Variants in CAT observed in about 807,000 individuals in gnomAD.
The protein encoded by CAT is catalase, also known as epididymis secretory sperm binding protein.
In CAT, 43 loss-of-function variants were observed where a neutral mutation model predicts 59.0. The observed-to-expected ratio is 0.73, with a 90% CI of 0.57 to 0.94. The LOEUF (loss-of-function observed/expected upper bound fraction) is 0.94, where lower values mean the gene tolerates loss of function less well. CAT is among the 40% of genes least tolerant of loss of function. The pLI, the probability that CAT is intolerant of heterozygous loss-of-function variation, is 0.00. For missense variants in CAT, 664 were observed against 682.9 expected, an observed-to-expected ratio of 0.97 and a Z score of 0.31; for synonymous variants, 218 against 230.9, an observed-to-expected ratio of 0.94 and a Z score of 0.51.
At chr11:34,464,066 TCTTATTC>T (rs1321743351) in intron 9 of CAT, 32 bp from the exon 10 acceptor site, 1 of 1,612,902 alleles carries the variant, frequency 6.2e-7, no homozygotes, top group East Asian at 2.2e-5. Context: ...ACTTGACTTT[TCTTATTC>T]CTAAGTGCAT....
chr11:34,448,698 G>T (rs1275808819), intron 1 of CAT, among the ~76,000 whole-genome samples: 2 of 152,004 alleles, frequency 1.3e-5, no homozygotes, highest in Non-Finnish European at 2.9e-5. Flanking sequence ...GCAAATAGCT[G>T]GTGTACATTT....
intron 11 of CAT, among the ~76,000 whole-genome samples, chr11:34,468,725 G>A (rs1292200773): frequency 6.6e-6 from 1 of 152,142 alleles, no homozygotes; most frequent in African/African-American, 2.4e-5. Context: ...TGTGAGTCCT[G>A]CTGCAATTCT....
chr11:34,458,968 C>A (rs777577596), intron 8 of CAT, among the ~76,000 whole-genome samples: 6 of 151,566 alleles, frequency 4.0e-5, no homozygotes, highest in Non-Finnish European at 8.8e-5. Context: ...TTAGTTCTGG[C>A]AAATATATCT....
chr11:34,464,130 C>G lies in CAT; in HGVS notation c.1221C>G (p.Asn407Lys). 6.2e-7 allele frequency: 1 copy of G among 1,614,198 alleles called. No homozygotes were observed. Among genetic ancestry groups the G allele is most frequent in the Non-Finnish European group, 8.5e-7 (1 of 1,180,032 alleles). ...GTGGTGCTCCAAATTACTACCCCAA[C>G]AGCTTTGGTGCTCCGGAACAACAGC... is the stretch of plus-strand genomic sequence containing the variant. The part of the protein sequence containing the change: ...NQGGAPNYYP[N>K]SFGAPEQQPS... Residue 407 changes from asparagine (N) to lysine (K), a missense_variant, in exon 10 of 13, where the codon AAC becomes AAG. Coordinates refer to ENST00000241052, the MANE Select transcript of CAT (RefSeq NM_001752.4).
In CAT at chr11:34,463,243, C is replaced by T. The variant is rs17881916; in HGVS notation, c.1196-862C>T. On this transcript the variant is annotated intron_variant, in intron 9 of 12. Transcript: ENST00000241052. ...AGTTGAGAAAATAAATATGCTAAAA[C>T]GAAAAAAAAGCCTTATAATTTATTT... 1.5e-3 allele frequency among the ~76,000 whole-genome samples: 222 copies of T among 151,138 alleles called. 2 individuals are homozygous for T. The highest frequency in any genetic ancestry group is 3.4e-3 in the Middle Eastern group (1 of 294).
At chr11:34,456,597 T>A in intron 7 of CAT, 68 bp from the exon 8 acceptor site, 1 of 1,426,280 alleles carries the variant, frequency 7.0e-7, no homozygotes, top group Non-Finnish European at 9.9e-7. Flanking sequence ...AAATCTGGTA[T>A]TTTTGTGGGT....
chr11:34,464,845 T>G (rs1856695415), intron 10 of CAT, among the ~76,000 whole-genome samples: 1 of 152,070 alleles, frequency 6.6e-6, no homozygotes, highest in Non-Finnish European at 1.5e-5. Context: ...ATTATTACTT[T>G]TTTTTTTTGG....
chr11:34,441,553 T>A lies in CAT; in HGVS notation c.66+2474T>A, dbSNP rs563285553. Among the ~76,000 whole-genome samples, 9 of 152,334 alleles carry A rather than the reference T, an allele frequency of 5.9e-5. No homozygotes were observed. The South Asian group carries it at 1.7e-3, about 28-fold the overall frequency. Reference sequence around the variant, plus strand: ...CTTATGCCTATAACCCTACCACTTTTGGAGGCTGAGGTGGGAGGATAGTTT... The same window carrying A: ...CTTATGCCTATAACCCTACCACTTTAGGAGGCTGAGGTGGGAGGATAGTTT... On this transcript the variant is annotated intron_variant, in intron 1 of 12. Coordinates refer to ENST00000241052, the MANE Select transcript of CAT (RefSeq NM_001752.4).
At chr11:34,468,985 A>C (rs1367273370) in intron 11 of CAT, among the ~76,000 whole-genome samples, 2 of 152,202 alleles carry the variant, frequency 1.3e-5, no homozygotes, top group Non-Finnish European at 2.9e-5. Context: ...CCTCCTTCAG[A>C]TGCAGACTAG....
At chr11:34,462,636 C>G (rs1856664014) in intron 9 of CAT, among the ~76,000 whole-genome samples, 2 of 152,050 alleles carry the variant, frequency 1.3e-5, no homozygotes, top group Non-Finnish European at 2.9e-5. Context: ...CAGGCTGGTC[C>G]TGAACTCTTG....
intron 1 of CAT, 120 bp from the exon 2 acceptor site, chr11:34,449,072 A>G (rs1798758983): frequency 1.1e-6 from 1 of 882,290 alleles, no homozygotes; most frequent in Non-Finnish European, 1.8e-6. Context: ...TACTTTGGAC[A>G]CAGGAAATTA....
At chr11:34,468,517 A>T (rs1856743620) in intron 11 of CAT, 122 bp downstream of exon 11, 2 of 712,756 alleles carry the variant, frequency 2.8e-6, no homozygotes, top group South Asian at 3.2e-5. Context: ...ACTTAAAAAA[A>T]AAAAAATAAA....
chr11:34,450,783 C>A (rs867946627), intron 2 of CAT, among the ~76,000 whole-genome samples: 1 of 152,198 alleles, frequency 6.6e-6, no homozygotes. Context: ...ATGTGGCATT[C>A]GACTTAGCAC....
intron 10 of CAT, among the ~76,000 whole-genome samples, chr11:34,467,958 A>G (rs1275639884): frequency 1.3e-5 from 2 of 152,190 alleles, no homozygotes; most frequent in African/African-American, 4.8e-5. Context: ...GTATTGTGCT[A>G]AGTTTACATT....
In CAT at chr11:34,455,991, T is replaced by G; in HGVS notation, c.712-20T>G. ...TTTGACAATAAGTTTCCATTGGAGC[T>G]TCTTTCTTTCATTTTGTAGACTGAC... On this transcript the variant is annotated intron_variant, in intron 6 of 12. Transcript: ENST00000241052. 2 of 1,610,262 alleles carry G rather than the reference T, an allele frequency of 1.2e-6. No homozygotes were observed. The highest frequency in any genetic ancestry group is 2.2e-5 in the South Asian group (2 of 90,670).
intron 11 of CAT, chr11:34,470,718 A>AG: frequency 1.8e-6 from 1 of 546,222 alleles, no homozygotes; most frequent in Non-Finnish European, 3.3e-6. Flanking sequence ...ATTTCGGCAG[A>AG]GGGACATAAG....
At position 34,453,095 on chromosome 11, in the gene CAT, A is replaced by G. The variant is rs748016912; in HGVS notation, c.486A>G (p.Pro162=). 6 of 1,604,154 alleles carry G rather than the reference A, an allele frequency of 3.7e-6. No homozygotes were observed. The highest frequency in any genetic ancestry group is 3.3e-5 in the South Asian group (3 of 90,896). The change falls in exon 5 of 13, where the codon CCA becomes CCG. Residue 162 remains proline (P), a synonymous_variant. Transcript: ENST00000241052. ...IFFIRDPILF[P]SFIHSQKRNP... is the part of the protein sequence containing the mutation. Reference sequence around the variant, plus strand: ...TCTCTCTTTTTTCTATTTAGTTTCCATCTTTTATCCACAGCCAAAAGAGAA... The same window carrying G: ...TCTCTCTTTTTTCTATTTAGTTTCCGTCTTTTATCCACAGCCAAAAGAGAA...
At position 34,456,686 on chromosome 11, in the gene CAT, C is replaced by A. The variant is rs774258742; in HGVS notation, c.925C>A (p.Pro309Thr). ...TCAGGTTTGGCCTCACAAGGACTAC[C>A]CTCTCATCCCAGTTGGTAAACTGGT... ...LTKVWPHKDY[P>T]LIPVGKLVLN... Residue 309 changes from proline (P) to threonine (T), a missense_variant, in exon 8 of 13, where the codon CCT becomes ACT. Pro to Thr is a conservative substitution (Grantham distance 38). Transcript: ENST00000241052. 2 of 1,614,060 alleles carry A rather than the reference C, an allele frequency of 1.2e-6. No homozygotes were observed. The highest frequency in any genetic ancestry group is 4.5e-5 in the East Asian group (2 of 44,882).
intron 1 of CAT, among the ~76,000 whole-genome samples, chr11:34,445,902 C>G (rs565137183): frequency 1.8e-4 from 27 of 152,264 alleles, no homozygotes; most frequent in Admixed American, 1.5e-3. Flanking sequence ...CTTAAGTTTT[C>G]TGAGTTTGTA....
Sources: allele counts gnomAD v4.1 joint callset (sites outside exome capture counted in the v4.1 genomes callset), GRCh38; gene constraint gnomAD v4.1.1; transcripts MANE v1.5; gene names NCBI Gene and HGNC (gene_info 2026-07-23, HGNC 2026-07-21).